OTUD7A: variants seen among roughly 807,000 people sequenced by gnomAD.
OTUD7A encodes the protein OTU deubiquitinase 7A, also known as OTU domain-containing protein 7A.
Under a neutral mutation model 65.7 loss-of-function variants are expected in OTUD7A, and 12 were observed. That is an observed-to-expected ratio of 0.18 (90% CI 0.12 to 0.30). The LOEUF is 0.30. OTUD7A is among the 10% of genes least tolerant of loss of function. The pLI is 1.00. For synonymous variants in OTUD7A, 641 were observed against 586.3 expected, an observed-to-expected ratio of 1.09 and a Z score of -1.35; for missense variants, 1,148 against 1,304.8, an observed-to-expected ratio of 0.88 and a Z score of 1.85.
chr15:31,634,431 A>G (rs150759939), intron 3 of OTUD7A, among the ~76,000 whole-genome samples: 3,135 of 152,236 alleles, frequency 0.021, 133 homozygotes, highest in African/African-American at 0.071. Flanking sequence ...GGGCACCTGG[A>G]CCTACTCCCT....
intron 10 of OTUD7A, among the ~76,000 whole-genome samples, chr15:31,501,204 G>A (rs951192316): frequency 3.9e-5 from 6 of 152,224 alleles, no homozygotes; most frequent in Non-Finnish European, 8.8e-5. Context: ...TTTAGGCGCT[G>A]CAGGCCTTGG....
At chr15:31,521,279 T>C (rs966097165) in intron 8 of OTUD7A, among the ~76,000 whole-genome samples, 1 of 152,150 alleles carries the variant, frequency 6.6e-6, no homozygotes, top group African/African-American at 2.4e-5. Context: ...AAATAAATAA[T>C]AAAATAATAA....
intron 1 of OTUD7A, among the ~76,000 whole-genome samples, chr15:31,669,631 C>T (rs1414299843): frequency 6.6e-6 from 1 of 152,224 alleles, no homozygotes; most frequent in East Asian, 1.9e-4. Context: ...GTCTGCAGGA[C>T]AGATTCGCAC....
At chr15:31,824,933 T>G (rs1225634664) in intron 1 of OTUD7A, among the ~76,000 whole-genome samples, 1 of 152,204 alleles carries the variant, frequency 6.6e-6, no homozygotes, top group Non-Finnish European at 1.5e-5. Flanking sequence ...ATGGCAGGCT[T>G]GAAAAAAATC....
chr15:31,562,813 T>C (rs766354263), intron 4 of OTUD7A, among the ~76,000 whole-genome samples: 9 of 152,146 alleles, frequency 5.9e-5, no homozygotes, highest in Non-Finnish European at 1.2e-4. Context: ...AGTACATACA[T>C]GAGTGAGCGT....
intron 1 of OTUD7A, among the ~76,000 whole-genome samples, chr15:31,741,288 G>C (rs1224322471): frequency 6.6e-6 from 1 of 152,054 alleles, no homozygotes. Context: ...TGGGAACAAG[G>C]ATATAGAAAA....
intron 3 of OTUD7A, among the ~76,000 whole-genome samples, chr15:31,594,866 G>A (rs767099380): frequency 4.1e-4 from 63 of 152,200 alleles, no homozygotes; most frequent in Non-Finnish European, 7.9e-4. Context: ...AGGGCTGGGA[G>A]GCCCTGTCCA....
intron 1 of OTUD7A, among the ~76,000 whole-genome samples, chr15:31,869,425 A>G (rs1286924469): frequency 1.3e-5 from 2 of 152,242 alleles, no homozygotes; most frequent in African/African-American, 4.8e-5. Context: ...GTAAAGATTT[A>G]GGCCCCGCTG....
At chr15:31,620,268 G>A (rs1319102355) in intron 3 of OTUD7A, among the ~76,000 whole-genome samples, 2 of 152,146 alleles carry the variant, frequency 1.3e-5, no homozygotes, top group Admixed American at 6.5e-5. Flanking sequence ...GTATCAGGAT[G>A]ATGCTGGCCT....
intron 8 of OTUD7A, among the ~76,000 whole-genome samples, chr15:31,505,512 TTTGAAGAGAAAAC>T (rs774949529): frequency 1.2e-4 from 19 of 152,166 alleles, no homozygotes; most frequent in Non-Finnish European, 2.8e-4. Context: ...GAGGAAAGGC[TTTGAAGAGAAAAC>T]TCTATTTTAC....
At chr15:31,593,736 C>A (rs1212786830) in intron 3 of OTUD7A, among the ~76,000 whole-genome samples, 1 of 152,076 alleles carries the variant, frequency 6.6e-6, no homozygotes, top group Non-Finnish European at 1.5e-5. Flanking sequence ...AATTTCATTT[C>A]AAAGTGTCAG....
At chr15:31,690,626 A>C (rs2141317217) in intron 1 of OTUD7A, among the ~76,000 whole-genome samples, 1 of 152,250 alleles carries the variant, frequency 6.6e-6, no homozygotes, top group East Asian at 1.9e-4. Context: ...CAAGGGTGCC[A>C]CACATGGCCT....
At chr15:31,518,213 C>T (rs1452178102) in intron 8 of OTUD7A, among the ~76,000 whole-genome samples, 1 of 152,116 alleles carries the variant, frequency 6.6e-6, no homozygotes, top group Non-Finnish European at 1.5e-5. Flanking sequence ...GTGGTTCACA[C>T]CTGTAATCCC....
At chr15:31,536,352 T>C (rs1351762031) in intron 5 of OTUD7A, among the ~76,000 whole-genome samples, 1 of 152,222 alleles carries the variant, frequency 6.6e-6, no homozygotes, top group Non-Finnish European at 1.5e-5. Context: ...TTATGAGTGG[T>C]TGTATCAAGC....
At chr15:31,703,580 T>C (rs1418140487) in intron 1 of OTUD7A, among the ~76,000 whole-genome samples, 1 of 152,070 alleles carries the variant, frequency 6.6e-6, no homozygotes, top group Non-Finnish European at 1.5e-5. Context: ...ACACCAATAG[T>C]TGACAAGGAC....
chr15:31,506,041 A>ATT (rs937745768), intron 8 of OTUD7A, among the ~76,000 whole-genome samples: 2 of 148,580 alleles, frequency 1.3e-5, no homozygotes, highest in Non-Finnish European at 3.0e-5. Flanking sequence ...CCTGGCCACA[A>ATT]TTTTTTTTTT....
chr15:31,631,486 G>C (rs537420516), intron 3 of OTUD7A, among the ~76,000 whole-genome samples: 1 of 152,174 alleles, frequency 6.6e-6, no homozygotes, highest in African/African-American at 2.4e-5. Context: ...TTCCCTTTGT[G>C]GGTTACCCGA....
intron 4 of OTUD7A, among the ~76,000 whole-genome samples, chr15:31,566,140 G>T (rs1386406326): frequency 6.6e-6 from 1 of 150,848 alleles, no homozygotes; most frequent in African/African-American, 2.4e-5. Context: ...GCAGTGAGCC[G>T]AGATTGCGCC....
chr15:31,541,708 G>A (rs12591927), intron 5 of OTUD7A, among the ~76,000 whole-genome samples: 14,197 of 152,178 alleles, frequency 0.093, 914 homozygotes, highest in East Asian at 0.28. Context: ...AACTGCCAAC[G>A]AGTGAAGACA....
Sources: gnomAD v4.1 joint callset for allele counts (sites outside exome capture counted in the v4.1 genomes callset) on GRCh38, gnomAD v4.1.1 for gene constraint, MANE v1.5 for transcripts, NCBI Gene and HGNC (gene_info 2026-07-23, HGNC 2026-07-21) for gene names.